The following SAFB2 variants were observed in gnomAD, a reference collection of about 807,000 sequenced individuals.
SAFB2 encodes the protein scaffold attachment factor B2.
SAFB2 carries 32 observed loss-of-function variants against 100.6 expected under a neutral mutation model. The observed-to-expected ratio is 0.32, with a 90% CI of 0.24 to 0.43. The LOEUF (loss-of-function observed/expected upper bound fraction) is 0.43, where lower values mean the gene tolerates loss of function less well. SAFB2 is among the 20% of genes least tolerant of loss of function. The pLI, the probability that SAFB2 is intolerant of heterozygous loss-of-function variation, is 1.00. For missense variants in SAFB2, 1,185 were observed against 1,163.4 expected (o/e 1.02, Z -0.27); for synonymous variants, 500 against 439.4 (o/e 1.14, Z -1.72).
chr19:5,595,380 G>C lies in SAFB2; in HGVS notation c.1900C>G (p.Arg634Gly). ...ERQRQREREIRETERRREREQ... is the reference protein window; with the variant it reads ...ERQRQREREIGETERRREREQ... Reference sequence around the variant, plus strand: ...ACTCACCGCCGCCTCTCCGTTTCGCGGATCTCCCGTTCCCGCTGCCTCTGG... The same window carrying C: ...ACTCACCGCCGCCTCTCCGTTTCGCCGATCTCCCGTTCCCGCTGCCTCTGG... The change falls in exon 14 of 21, where the codon CGC becomes GGC. Residue 634 changes from arginine to glycine, a missense_variant. Transcript: ENST00000252542. 1 of 1,611,596 alleles carries C rather than the reference G, an allele frequency of 6.2e-7. No homozygotes were observed. The highest frequency in any genetic ancestry group is 8.5e-7 in the Non-Finnish European group (1 of 1,179,880).
chr19:5,589,722 C>A (rs187582846), intron 18 of SAFB2, among the ~76,000 whole-genome samples: 1 of 152,264 alleles, frequency 6.6e-6, no homozygotes, highest in Admixed American at 6.5e-5. Context: ...CAGAACAGCA[C>A]CCCCACTGCA....
chr19:5,612,079 C>T (rs947851101), intron 6 of SAFB2: 8 of 327,398 alleles, frequency 2.4e-5, no homozygotes, highest in East Asian at 8.2e-5. Flanking sequence ...AAACGCAGTC[C>T]GGAAGGGGAA....
At chr19:5,616,090 C>T (rs375409577) in intron 4 of SAFB2, 42 bp downstream of exon 4, 418 of 1,590,802 alleles carry the variant, frequency 2.6e-4, no homozygotes, top group Admixed American at 6.7e-4. Flanking sequence ...CCAGGTGCCT[C>T]GGGGCTATGG....
At position 5,587,261 on chromosome 19, in the gene SAFB2, G is replaced by A; in HGVS notation, c.2844C>T (p.His948=). ...GTGGGACTTAGTAGCGGCGGGTGAA[G>A]TGGGGGTACGGGGGGGGATGAGGGT... ...HPHPHPPPYP[H]FTRRY Residue 948 remains histidine, a synonymous_variant, in exon 21 of 21, where the codon CAC becomes CAT. Transcript: ENST00000252542. The surrounding 1 kb of genome is among the most constrained non-coding windows in gnomAD (Gnocchi z 4.9). 3 of 1,612,766 alleles carry A rather than the reference G, an allele frequency of 1.9e-6. 1 individual carries two copies. Among genetic ancestry groups the A allele is most frequent in the South Asian group, 2.2e-5 (2 of 91,012 alleles).
At chr19:5,620,587 T>C (rs563732240) in intron 2 of SAFB2, among the ~76,000 whole-genome samples, 2 of 152,386 alleles carry the variant, frequency 1.3e-5, no homozygotes, top group African/African-American at 4.8e-5. Context: ...CCATATGTTG[T>C]ACAATTCCAT....
At chr19:5,595,721 GGAAGA>G (rs1451625889) in intron 13 of SAFB2, among the ~76,000 whole-genome samples, 1 of 152,196 alleles carries the variant, frequency 6.6e-6, no homozygotes, top group Non-Finnish European at 1.5e-5. Context: ...GGGCATTCAT[GGAAGA>G]GAAGAGGTTG....
At chr19:5,608,994 G>C (rs1455004788) in intron 9 of SAFB2, among the ~76,000 whole-genome samples, 3 of 139,588 alleles carry the variant, frequency 2.1e-5, no homozygotes, top group African/African-American at 8.0e-5. Flanking sequence ...GGAGGCTGCA[G>C]TGAGCCAAGA....
intron 9 of SAFB2, among the ~76,000 whole-genome samples, chr19:5,608,765 C>T (rs2052834382): frequency 6.6e-6 from 1 of 152,142 alleles, no homozygotes; most frequent in Non-Finnish European, 1.5e-5. Context: ...CCAGAAGACT[C>T]TTGGCTAGGC....
intron 14 of SAFB2, 74 bp from the exon 15 acceptor site, chr19:5,594,252 G>C: frequency 2.8e-6 from 4 of 1,452,824 alleles, no homozygotes; most frequent in Non-Finnish European, 3.6e-6. Flanking sequence ...CCCAAAACTG[G>C]GTGTGTATTG....
rs1237724058 is a variant in SAFB2 at position 5,622,770 on chromosome 19, C to T, written c.-55G>A. The stretch of plus-strand genomic sequence containing the variant: ...AGTCGCACACCGCCGGCAGCTATAG[C>T]GGCTCTGAACACAAAATGGCGCCGC... On this transcript the variant is annotated 5_prime_UTR_variant, in exon 1 of 21. Coordinates refer to ENST00000252542, the MANE Select transcript of SAFB2 (RefSeq NM_014649.3). The T allele has an allele frequency of 2.0e-6, 3 of 1,529,038 alleles. No homozygotes were observed. The highest frequency in any genetic ancestry group is 4.9e-5 in the East Asian group (2 of 41,236). The allele number at this position is 1,529,038 out of a possible 1,614,324, so 94.7% of individuals were successfully genotyped here. A position where few individuals can be genotyped will look rare whatever the true frequency, so the allele number is the denominator to read the frequency against.
chr19:5,589,107 G>A (rs2052330697), intron 18 of SAFB2: 1 of 152,274 alleles, frequency 6.6e-6, no homozygotes, highest in Non-Finnish European at 1.5e-5. Context: ...GCACTGCCAG[G>A]CAAGTGCAAT....
intron 18 of SAFB2, 106 bp from the exon 19 acceptor site, chr19:5,588,086 C>T (rs1230411921): frequency 1.1e-5 from 10 of 944,712 alleles, no homozygotes; most frequent in Non-Finnish European, 1.6e-5. Context: ...TCATGCCACA[C>T]AACAAGGGCT....
intron 8 of SAFB2, 32 bp from the exon 9 acceptor site, chr19:5,610,127 C>T (rs751643772): frequency 1.9e-6 from 3 of 1,567,254 alleles, no homozygotes; most frequent in Non-Finnish European, 2.6e-6. Context: ...TAGGCATCAC[C>T]CCAAGGCCTA....
intron 9 of SAFB2, among the ~76,000 whole-genome samples, chr19:5,608,171 A>G (rs889464719): frequency 6.6e-6 from 1 of 152,118 alleles, no homozygotes; most frequent in African/African-American, 2.4e-5. Context: ...TGAGCCCCAC[A>G]GGTAAGGCCA....
intron 1 of SAFB2, 27 bp downstream of exon 1, chr19:5,622,503 C>G: frequency 6.4e-7 from 1 of 1,553,430 alleles, no homozygotes; most frequent in Non-Finnish European, 8.7e-7. Flanking sequence ...GCCTCCTGCG[C>G]CACCCCCGAG....
intron 9 of SAFB2, among the ~76,000 whole-genome samples, chr19:5,609,675 A>AG (rs1434175541): frequency 6.6e-6 from 1 of 152,238 alleles, no homozygotes; most frequent in Non-Finnish European, 1.5e-5. Flanking sequence ...ACATTGAGAG[A>AG]GAAGCTGTTT....
In SAFB2 at chr19:5,590,327, C is replaced by T. The variant is rs143019060; in HGVS notation, c.2476G>A (p.Gly826Ser). The T allele has an allele frequency of 2.3e-4, 374 of 1,609,232 alleles. 5 individuals carry two copies. The South Asian group carries it at 3.0e-3, about 13-fold the overall frequency. ...RDSRDGWGGY[G>S]SDKRLSEGRG... ...CCTTCACTCAGCCTCTTGTCGGAGC[C>T]GTAGCCCCCCCAGCCATCACGGGAG... Residue 826 changes from glycine (G) to serine (S), a missense_variant, in exon 18 of 21, where the codon GGC (glycine) becomes AGC (serine). Gly to Ser is a moderately conservative substitution (Grantham distance 56). Transcript: ENST00000252542.
Position 5,587,398 on chromosome 19 carries a change from G to T in SAFB2, c.2707C>A (p.Arg903=). The T allele has an allele frequency of 6.2e-7, 1 of 1,609,912 alleles. No individual in the cohort carries two copies. Among genetic ancestry groups the T allele is most frequent in the Non-Finnish European group, 8.5e-7 (1 of 1,178,260 alleles). The change falls in exon 21 of 21, where the codon CGA becomes AGA. Residue 903 remains arginine, a splice_region_variant and synonymous_variant. Transcript: ENST00000252542. The surrounding 1 kb of genome is among the most constrained non-coding windows in gnomAD (Gnocchi z 4.9). ...TGTCCACCTTGTGCAAAGCCGCCTC[G>T]CCTAGGAACAAAGTCAGACAATTTT... The part of the protein sequence containing the change: ...HMASRGGVAG[R]GGFAQGGHSQ...
At chr19:5,619,577 T>C (rs1396909251) in intron 2 of SAFB2, among the ~76,000 whole-genome samples, 1 of 152,208 alleles carries the variant, frequency 6.6e-6, no homozygotes, top group Non-Finnish European at 1.5e-5. Flanking sequence ...CAGTGGCTCA[T>C]GCCTCTAATC....
Sources: allele counts gnomAD v4.1 joint callset (sites outside exome capture counted in the v4.1 genomes callset), GRCh38; gene constraint gnomAD v4.1.1; non-coding constraint Gnocchi (gnomAD v3.1); transcripts MANE v1.5; gene names NCBI Gene and HGNC (gene_info 2026-07-23, HGNC 2026-07-21).